Variants in BPTF observed in about 807,000 individuals in gnomAD.
BPTF encodes nucleosome-remodeling factor subunit BPTF.
In BPTF, 18 loss-of-function variants were observed where a neutral mutation model predicts 292.5. That is an observed-to-expected ratio of 0.06 (90% CI 0.04 to 0.09). The LOEUF (loss-of-function observed/expected upper bound fraction) is 0.09. Ranked by LOEUF, BPTF falls within the 10% of genes least tolerant of loss-of-function variation. The pLI, the probability that BPTF is intolerant of heterozygous loss-of-function variation, is 1.00. For missense variants in BPTF, 2,726 were observed against 3,498.7 expected, an observed-to-expected ratio of 0.78 and a Z score of 5.57; for synonymous variants, 1,225 against 1,251.9, an observed-to-expected ratio of 0.98 and a Z score of 0.45.
intron 3 of BPTF, among the ~76,000 whole-genome samples, chr17:67,868,105 T>A (rs1295466817): frequency 3.3e-5 from 5 of 152,206 alleles, no homozygotes; most frequent in Admixed American, 6.5e-5. Flanking sequence ...AATTGGATAT[T>A]TATTAGGTTA....
In BPTF at chr17:67,912,586, C is replaced by T; in HGVS notation, c.4702C>T (p.Pro1568Ser). The change falls in exon 11 of 28, where the codon CCC becomes TCC. Residue 1568 changes from proline to serine, a missense_variant. This residue lies in a region of BPTF where 144 missense variants were observed against 177.2 expected (regional missense o/e 0.81). Coordinates refer to ENST00000306378, the MANE Select transcript of BPTF (RefSeq NM_182641.4). Reference sequence around the variant, plus strand: ...TGACTTTATTGATGAAAATGGTCTGCCCATCAACAAAAATGAAAATGTCAA... The same window carrying T: ...TGACTTTATTGATGAAAATGGTCTGTCCATCAACAAAAATGAAAATGTCAA... ...SNDFIDENGL[P>S]INKNENVNGE... The T allele has an allele frequency of 6.2e-7, 1 of 1,612,960 alleles. No homozygotes were observed. The highest frequency in any genetic ancestry group is 8.5e-7 in the Non-Finnish European group (1 of 1,179,664).
At chr17:67,891,259 G>A (rs561261387) in intron 4 of BPTF, among the ~76,000 whole-genome samples, 95 of 152,288 alleles carry the variant, frequency 6.2e-4, no homozygotes, top group Non-Finnish European at 1.0e-3. Flanking sequence ...GTGGAGTTTA[G>A]TGTGTCCTTA....
chr17:67,871,113 T>C (rs1452245157), intron 3 of BPTF, among the ~76,000 whole-genome samples: 1 of 152,130 alleles, frequency 6.6e-6, no homozygotes, highest in Non-Finnish European at 1.5e-5. Context: ...GGTTTTTATC[T>C]ACACACACAC....
chr17:67,912,751 T>G lies in BPTF; in HGVS notation c.4867T>G (p.Ser1623Ala), dbSNP rs147928104. The stretch of plus-strand genomic sequence containing the variant: ...TTCTTCCACAGAAAATTGTGCAAAA[T>G]CCACTGTCACAACCACCACTACAAC... ...VVSSTENCAK[S>A]TVTTTTTTVT... Residue 1623 changes from serine (S) to alanine (A), a missense_variant, in exon 11 of 28, where the codon TCC becomes GCC. This residue lies in a region of BPTF where 144 missense variants were observed against 177.2 expected (regional missense o/e 0.81). Coordinates refer to ENST00000306378, the MANE Select transcript of BPTF (RefSeq NM_182641.4). The G allele has an allele frequency of 1.2e-4, 189 of 1,613,774 alleles. No homozygotes were observed. The highest frequency in any genetic ancestry group is 1.6e-4 in the Non-Finnish European group (183 of 1,179,994).
intron 3 of BPTF, among the ~76,000 whole-genome samples, chr17:67,871,483 T>C (rs1183536264): frequency 3.3e-5 from 5 of 151,596 alleles, no homozygotes; most frequent in Admixed American, 3.3e-4. Context: ...AATACTCATA[T>C]ATTCATCGTA....
intron 4 of BPTF, among the ~76,000 whole-genome samples, chr17:67,877,529 G>C (rs1176786706): frequency 6.6e-6 from 1 of 152,318 alleles, no homozygotes; most frequent in East Asian, 1.9e-4. Context: ...TAAACTTTCA[G>C]AATGTATTTA....
intron 11 of BPTF, among the ~76,000 whole-genome samples, chr17:67,915,901 AC>A (rs1671646164): frequency 6.6e-6 from 1 of 152,204 alleles, no homozygotes; most frequent in Non-Finnish European, 1.5e-5. Context: ...GAGCAGACTT[AC>A]CGTGCATGTG....
intron 7 of BPTF, 80 bp downstream of exon 7, chr17:67,894,245 T>C: frequency 6.9e-7 from 1 of 1,443,660 alleles, no homozygotes; most frequent in Non-Finnish European, 9.5e-7. Context: ...TGAAAGTTAA[T>C]ATATTTAAGA....
chr17:67,917,414 C>T (rs571183931), intron 11 of BPTF, among the ~76,000 whole-genome samples: 1 of 151,874 alleles, frequency 6.6e-6, no homozygotes, highest in African/African-American at 2.4e-5. Context: ...TGAGCCACTG[C>T]GCCCAGCTGA....
At chr17:67,895,292 C>T (rs896316519) in intron 7 of BPTF, among the ~76,000 whole-genome samples, 6 of 138,440 alleles carry the variant, frequency 4.3e-5, no homozygotes, top group African/African-American at 1.7e-4. Context: ...GAGATTGCAC[C>T]ACTGCACTCC....
intron 1 of BPTF, among the ~76,000 whole-genome samples, chr17:67,847,548 G>T (rs1175361364): frequency 6.6e-6 from 1 of 151,086 alleles, no homozygotes; most frequent in East Asian, 1.9e-4. Flanking sequence ...GTGGTGGTGG[G>T]CACCTGTAAT....
At chr17:67,865,522 C>T (rs2059345154) in intron 2 of BPTF, among the ~76,000 whole-genome samples, 1 of 152,148 alleles carries the variant, frequency 6.6e-6, no homozygotes. Context: ...TGTCCATGTC[C>T]ACATATCTTA....
At chr17:67,861,626 G>A (rs2059091728) in intron 2 of BPTF, among the ~76,000 whole-genome samples, 1 of 152,094 alleles carries the variant, frequency 6.6e-6, no homozygotes, top group South Asian at 2.1e-4. Flanking sequence ...ATAGCTGGAT[G>A]ATTTTTAAAA....
At chr17:67,851,919 C>CT (rs34000805) in intron 1 of BPTF, among the ~76,000 whole-genome samples, 71 of 142,026 alleles carry the variant, frequency 5.0e-4, no homozygotes, top group South Asian at 1.8e-3. Flanking sequence ...GATTGGGGTC[C>CT]TTTTTTTTTT....
At chr17:67,931,698 TTGTA>T (rs2064404823) in intron 17 of BPTF, among the ~76,000 whole-genome samples, 1 of 152,188 alleles carries the variant, frequency 6.6e-6, no homozygotes, top group South Asian at 2.1e-4. Flanking sequence ...GCAGGGAATT[TTGTA>T]TGATAGCATT....
chr17:67,966,450 A>G (rs1342845102), intron 25 of BPTF, 122 bp from the exon 26 acceptor site: 1 of 808,120 alleles, frequency 1.2e-6, no homozygotes, highest in Non-Finnish European at 2.0e-6. Context: ...ACTTAATATA[A>G]AATATTTCAT....
At position 67,912,187 on chromosome 17, in the gene BPTF, A is replaced by G; in HGVS notation, c.4303A>G (p.Asn1435Asp). 1 of 1,611,090 alleles carries G rather than the reference A, an allele frequency of 6.2e-7. No homozygotes were observed. Among genetic ancestry groups the G allele is most frequent in the Non-Finnish European group, 8.5e-7 (1 of 1,178,294 alleles). ...TTCTGAGAGTAGAGTAGTAAGTGGT[A>G]ATGTTGAACCAAAGGTTAATAATAT... is the stretch of plus-strand genomic sequence containing the variant. ...EISESRVVSG[N>D]VEPKVNNINK... The change falls in exon 11 of 28, where the codon AAT becomes GAT. Residue 1435 changes from asparagine to aspartate, a missense_variant. Coordinates refer to ENST00000306378, the MANE Select transcript of BPTF (RefSeq NM_182641.4).
chr17:67,937,821 A>G (rs2065042327), intron 18 of BPTF, among the ~76,000 whole-genome samples: 1 of 152,206 alleles, frequency 6.6e-6, no homozygotes, highest in African/African-American at 2.4e-5. Flanking sequence ...AGCTTTTCCT[A>G]AGATGAGATC....
At chr17:67,886,743 G>GT (rs1157001141) in intron 4 of BPTF, among the ~76,000 whole-genome samples, 1 of 152,090 alleles carries the variant, frequency 6.6e-6, no homozygotes, top group Non-Finnish European at 1.5e-5. Context: ...CATTCTGCAT[G>GT]TATTGTTCTG....
Sources: allele counts gnomAD v4.1 joint callset (sites outside exome capture counted in the v4.1 genomes callset), GRCh38; gene constraint gnomAD v4.1.1; regional missense constraint gnomAD v4.1.1; transcripts MANE v1.5; gene names NCBI Gene and HGNC (gene_info 2026-07-23, HGNC 2026-07-21).